STXBP5L: variants seen among roughly 807,000 people sequenced by gnomAD.
The protein encoded by STXBP5L is syntaxin-binding protein 5-like.
STXBP5L carries 65 observed loss-of-function variants against 144.5 expected under a neutral mutation model. The ratio of observed to expected loss-of-function variants is 0.45; its 90% CI spans 0.37 to 0.55. The LOEUF is 0.55. Ranked by LOEUF, STXBP5L falls within the 20% of genes least tolerant of loss-of-function variation. The pLI, the probability that STXBP5L is intolerant of heterozygous loss-of-function variation, is 0.00. For synonymous variants in STXBP5L, 505 were observed against 469.6 expected, an observed-to-expected ratio of 1.08 and a Z score of -0.97; for missense variants, 1,298 against 1,405.5, an observed-to-expected ratio of 0.92 and a Z score of 1.22.
chr3:120,961,542 C>T lies in STXBP5L; in HGVS notation c.287+6505C>T, dbSNP rs780629650. On this transcript the variant is annotated intron_variant, in intron 3 of 26. Coordinates refer to ENST00000471454, the MANE Select transcript of STXBP5L (RefSeq NM_001308330.2). ...CGCAGTGTTTGGTTTTCTGTCCTTG[C>T]GATAGTTTGCTGAGAATGCTGGTTT... Among the ~76,000 whole-genome samples the T allele has an allele frequency of 2.3e-4, 35 of 152,214 alleles. 1 individual carries two copies. Among genetic ancestry groups the T allele is most frequent in the Admixed American group, 8.5e-4 (13 of 15,280 alleles).
At chr3:121,209,687 G>GT (rs1371462899) in intron 10 of STXBP5L, among the ~76,000 whole-genome samples, 5 of 152,020 alleles carry the variant, frequency 3.3e-5, no homozygotes, top group Admixed American at 1.3e-4. Flanking sequence ...GCAGTGTTTG[G>GT]TTTTTTGTCC....
At chr3:121,140,591 A>G (rs2045455278) in intron 7 of STXBP5L, among the ~76,000 whole-genome samples, 1 of 152,204 alleles carries the variant, frequency 6.6e-6, no homozygotes, top group Non-Finnish European at 1.5e-5. Flanking sequence ...TCGCGACAAC[A>G]TGGATGAACC....
At chr3:121,097,469 G>T (rs555661129) in intron 5 of STXBP5L, among the ~76,000 whole-genome samples, 34 of 152,228 alleles carry the variant, frequency 2.2e-4, no homozygotes, top group Non-Finnish European at 4.6e-4. Context: ...CTCCTGGTCT[G>T]CGGGGTTGCA....
intron 3 of STXBP5L, among the ~76,000 whole-genome samples, chr3:121,022,389 A>G (rs759151760): frequency 1.3e-5 from 2 of 152,176 alleles, no homozygotes; most frequent in Non-Finnish European, 2.9e-5. Context: ...ACACTATTCT[A>G]AAAGATAAAA....
chr3:120,966,864 A>T (rs1344638225), intron 3 of STXBP5L, among the ~76,000 whole-genome samples: 1 of 152,176 alleles, frequency 6.6e-6, no homozygotes, highest in Non-Finnish European at 1.5e-5. Context: ...AGTCTGCAGA[A>T]GTTGTCTGCT....
intron 20 of STXBP5L, among the ~76,000 whole-genome samples, chr3:121,372,541 G>A (rs533730808): frequency 6.6e-6 from 1 of 152,304 alleles, no homozygotes; most frequent in South Asian, 2.1e-4. Context: ...GGCGATAGCA[G>A]GTTCCTTCTT....
At chr3:121,272,221 T>G (rs1052236798) in intron 18 of STXBP5L, among the ~76,000 whole-genome samples, 2 of 152,174 alleles carry the variant, frequency 1.3e-5, no homozygotes, top group African/African-American at 4.8e-5. Flanking sequence ...AAAGTGAGAG[T>G]GTTGAAATGC....
chr3:121,238,773 A>G (rs2049568701), intron 12 of STXBP5L, among the ~76,000 whole-genome samples, 198 bp from the exon 13 acceptor site: 1 of 152,080 alleles, frequency 6.6e-6, no homozygotes, highest in Non-Finnish European at 1.5e-5. Context: ...GTAAAATTTT[A>G]CTAGTATTAA....
At chr3:121,313,609 C>G (rs1412119361) in intron 19 of STXBP5L, among the ~76,000 whole-genome samples, 2 of 88,484 alleles carry the variant, frequency 2.3e-5, no homozygotes, top group African/African-American at 8.9e-5. Flanking sequence ...CTGGCCGACC[C>G]CCCCCCCCGC....
At chr3:121,074,635 C>T (rs988463192) in intron 5 of STXBP5L, among the ~76,000 whole-genome samples, 1 of 152,130 alleles carries the variant, frequency 6.6e-6, no homozygotes, top group Non-Finnish European at 1.5e-5. Flanking sequence ...TATACATTGC[C>T]TCATTTTCCC....
chr3:120,956,823 A>C (rs750381201), intron 3 of STXBP5L, among the ~76,000 whole-genome samples: 2 of 151,900 alleles, frequency 1.3e-5, no homozygotes, highest in Non-Finnish European at 2.9e-5. Context: ...AAATATTTTA[A>C]ATTTTAATGA....
At chr3:120,960,869 C>T (rs574856794) in intron 3 of STXBP5L, among the ~76,000 whole-genome samples, 45 of 151,118 alleles carry the variant, frequency 3.0e-4, no homozygotes, top group Middle Eastern at 3.4e-3. Flanking sequence ...TGTAACAAAC[C>T]TGCACGTTGT....
chr3:121,376,939 T>G (rs2046201548), intron 20 of STXBP5L, among the ~76,000 whole-genome samples: 1 of 152,340 alleles, frequency 6.6e-6, no homozygotes, highest in Non-Finnish European at 1.5e-5. Context: ...GAAGTGGTCC[T>G]TCACGTCCCT....
intron 20 of STXBP5L, among the ~76,000 whole-genome samples, chr3:121,362,626 G>A (rs36093471): frequency 9.1e-4 from 139 of 152,220 alleles, no homozygotes; most frequent in Non-Finnish European, 1.7e-3. Flanking sequence ...CAGCCTTCAC[G>A]GCAGTGAGTT....
At chr3:121,043,434 G>A (rs528224741) in intron 4 of STXBP5L, among the ~76,000 whole-genome samples, 1 of 152,068 alleles carries the variant, frequency 6.6e-6, no homozygotes, top group East Asian at 1.9e-4. Flanking sequence ...ATACTGGCCG[G>A]GCGCGGTGGC....
At chr3:121,218,191 GTATA>G (rs1028469896) in intron 10 of STXBP5L, among the ~76,000 whole-genome samples, 1 of 135,832 alleles carries the variant, frequency 7.4e-6, no homozygotes, top group Non-Finnish European at 1.5e-5. Context: ...GTATGATATA[GTATA>G]TATATTACTA....
At chr3:121,089,562 A>G (rs1256290768) in intron 5 of STXBP5L, among the ~76,000 whole-genome samples, 2 of 151,440 alleles carry the variant, frequency 1.3e-5, no homozygotes, top group Non-Finnish European at 2.9e-5. Flanking sequence ...TTTATCTCAG[A>G]TAATTGGCTG....
chr3:121,139,155 T>C (rs998437107), intron 7 of STXBP5L, among the ~76,000 whole-genome samples: 1 of 151,840 alleles, frequency 6.6e-6, no homozygotes, highest in African/African-American at 2.4e-5. Flanking sequence ...AAAGAATGAG[T>C]TTTAGCATTC....
At chr3:121,325,019 C>T (rs894028333) in intron 20 of STXBP5L, among the ~76,000 whole-genome samples, 2 of 151,934 alleles carry the variant, frequency 1.3e-5, no homozygotes, top group Admixed American at 1.3e-4. Flanking sequence ...ACTATGATTG[C>T]CTCAAAGAGG....
Sources: allele counts gnomAD v4.1 joint callset (sites outside exome capture counted in the v4.1 genomes callset), GRCh38; gene constraint gnomAD v4.1.1; transcripts MANE v1.5; gene names NCBI Gene and HGNC (gene_info 2026-07-23, HGNC 2026-07-21).